UPF3B: variants seen among roughly 807,000 people sequenced by gnomAD.
The protein encoded by UPF3B is UPF3B regulator of nonsense mediated mRNA decay, also known as regulator of nonsense transcripts 3B.
Under a neutral mutation model 40.3 loss-of-function variants are expected in UPF3B, and 7 were observed. That is an observed-to-expected ratio of 0.17 (90% CI 0.10 to 0.33). The LOEUF is 0.33. UPF3B is among the 10% of genes least tolerant of loss of function. The probability of loss-of-function intolerance (pLI) is 1.00; values close to 1 mark genes in which losing one functional copy is unlikely to be tolerated. For synonymous variants in UPF3B, 117 were observed against 117.3 expected, an observed-to-expected ratio of 1.00 and a Z score of 0.01; for missense variants, 229 against 358.9, an observed-to-expected ratio of 0.64 and a Z score of 2.93.
chrX:119,843,706 A>G (rs1173023719), intron 4 of UPF3B, among the ~76,000 whole-genome samples: 1 of 112,510 alleles, frequency 8.9e-6, no homozygotes, highest in Non-Finnish European at 1.9e-5. Flanking sequence ...TAGACCTCTA[A>G]CATCAGAAAG....
chrX:119,849,627 G>A (rs189967983), intron 3 of UPF3B, among the ~76,000 whole-genome samples: 6 of 111,875 alleles, frequency 5.4e-5, no homozygotes, highest in African/African-American at 1.9e-4. Context: ...AAGACAGGCT[G>A]AAGAAACAGA....
At chrX:119,823,729 A>G (rs1190342718) in intron 3 of UPF3B, among the ~76,000 whole-genome samples, 1 of 108,783 alleles carries the variant, frequency 9.2e-6, no homozygotes, top group African/African-American at 3.4e-5. Flanking sequence ...ATGCCCGGCT[A>G]ATTTTTGTAT....
Position 119,843,351 on chromosome X carries a change from AAAG to A in UPF3B, c.470-53_470-51del, listed in dbSNP as rs201504590. 8,846 of 868,391 alleles carry A rather than the reference AAAG, an allele frequency of 0.01. 40 individuals are homozygous for A. Among genetic ancestry groups the A allele is most frequent in the Middle Eastern group, 0.041 (106 of 2,603 alleles). The allele number at this position is 868,391 out of a possible 1,213,427, so 71.6% of individuals were successfully genotyped here. On this transcript the variant is annotated intron_variant, in intron 4 of 10. Coordinates refer to ENST00000276201, the MANE Select transcript of UPF3B (RefSeq NM_080632.3). ...AAAATATAATAGACTTTAAACAAAA[AAAG>A]AAGACATTATCTACAATACTGATTT...
rs1286810467 is a variant in UPF3B, at chrX:119,807,458, TG to T, written c.*11+16del. 3.4e-6 allele frequency: 3 copies of T among 887,050 alleles called. No homozygotes were observed. The African/African-American group carries it at 6.2e-5, about 18-fold the overall frequency. The allele number at this position is 887,050 out of a possible 1,213,427, so 73.1% of individuals were successfully genotyped here. A position where few individuals can be genotyped will look rare whatever the true frequency, so the allele number is the denominator to read the frequency against. On this transcript the variant is annotated intron_variant, in intron 6 of 6. Coordinates refer to the UPF3B transcript ENST00000636792. Reference sequence around the variant, plus strand: ...ACACTCCCTTCCTCCTTCTTTTCTATGGTTAATATCACTTTCCTGCTTTCTT... The same window carrying T: ...ACACTCCCTTCCTCCTTCTTTTCTATGTTAATATCACTTTCCTGCTTTCTT...
chrX:119,837,731 TA>T lies in UPF3B; in HGVS notation c.1302+25del, dbSNP rs755556856. 3 of 1,203,586 alleles carry T rather than the reference TA, an allele frequency of 2.5e-6. No homozygotes were observed. The Admixed American group carries it at 6.6e-5, about 26-fold the overall frequency. On this transcript the variant is annotated intron_variant, in intron 10 of 10. Coordinates refer to ENST00000276201, the MANE Select transcript of UPF3B (RefSeq NM_080632.3). ...GCAGGAAAAGGGAAAAAAACCCTCA[TA>T]AACAAGTTTAATGACAAGCAGCACC... is the stretch of plus-strand genomic sequence containing the variant.
Position 119,813,523 on chromosome X carries a change from A to G in UPF3B, c.602+1677T>C, listed in dbSNP as rs547804330. 1.5e-3 allele frequency among the ~76,000 whole-genome samples: 161 copies of G among 110,301 alleles called. 1 individual carries two copies. Among genetic ancestry groups the G allele is most frequent in the Non-Finnish European group, 1.8e-3 (97 of 52,763 alleles). On this transcript the variant is annotated intron_variant, in intron 5 of 6. Coordinates refer to the UPF3B transcript ENST00000636792. ...GAGATTCCCGACTTGTACAGCCTGC[A>G]GAACTATAAGCCAATTAAACCTCTT...
At chrX:119,827,343 T>C (rs758065492) in intron 3 of UPF3B, among the ~76,000 whole-genome samples, 1 of 111,478 alleles carries the variant, frequency 9.0e-6, no homozygotes, top group South Asian at 3.7e-4. Context: ...TAAATAAATA[T>C]ATAAATAAAT....
chrX:119,807,958 T>C (rs890288292), intron 5 of UPF3B, among the ~76,000 whole-genome samples: 2 of 111,612 alleles, frequency 1.8e-5, no homozygotes, highest in Non-Finnish European at 3.8e-5. Flanking sequence ...CACACTGGGC[T>C]AAGTTTTTAA....
intron 4 of UPF3B, among the ~76,000 whole-genome samples, chrX:119,815,812 G>A (rs1251846136): frequency 4.5e-5 from 5 of 111,848 alleles, no homozygotes; most frequent in East Asian, 2.8e-4. Context: ...ACGAAGTTTC[G>A]CTCTGGTTGT....
chrX:119,847,853 G>C (rs1473291959), intron 3 of UPF3B, among the ~76,000 whole-genome samples: 2 of 111,202 alleles, frequency 1.8e-5, no homozygotes, highest in East Asian at 5.6e-4. Context: ...GTGAGAACAA[G>C]GACTCGAATA....
chrX:119,812,864 T>C, intron 5 of UPF3B, among the ~76,000 whole-genome samples: 1 of 111,067 alleles, frequency 9.0e-6, no homozygotes, highest in Non-Finnish European at 1.9e-5. Flanking sequence ...GGTCATCAGT[T>C]TCATTAGTTC....
chrX:119,834,878 T>A lies in UPF3B; in HGVS notation c.1452A>T (p.Ter484CysextTer1). Residue 484 changes from the stop codon to cysteine (C), a stop_lost, in exon 11 of 11, where the codon TGA becomes TGT. Coordinates refer to ENST00000276201, the MANE Select transcript of UPF3B (RefSeq NM_080632.3). ...GGACACCTAAGGCCATCTGGACTTA[T>A]CACTCCTCTCCTCCTTCTTTTCTAT... The part of the protein sequence containing the change: ...ISHRKEGGEE[*>C] 4 of 1,211,252 alleles carry A rather than the reference T, an allele frequency of 3.3e-6. No homozygotes were observed. Among genetic ancestry groups the A allele is most frequent in the Non-Finnish European group, 4.5e-6 (4 of 895,557 alleles).
At chrX:119,849,744 C>T (rs1382589156) in intron 3 of UPF3B, among the ~76,000 whole-genome samples, 1 of 109,217 alleles carries the variant, frequency 9.2e-6, no homozygotes, top group Non-Finnish European at 1.9e-5. Flanking sequence ...AATTTCATGG[C>T]AATATAATAG....
At chrX:119,830,155 A>C (rs1256563861), downstream of UPF3B, among the ~76,000 whole-genome samples, 1 of 111,874 alleles carries the variant, frequency 8.9e-6, no homozygotes, top group Middle Eastern at 4.2e-3. Context: ...AAGGGCTGGC[A>C]GAATGAATGA....
intron 3 of UPF3B, among the ~76,000 whole-genome samples, chrX:119,845,742 A>G (rs1392116832): frequency 4.5e-5 from 5 of 110,681 alleles, no homozygotes; most frequent in Non-Finnish European, 9.5e-5. Flanking sequence ...CATGTTCTAA[A>G]TTTAGATTGT....
At chrX:119,847,868 C>T (rs1384903714) in intron 3 of UPF3B, among the ~76,000 whole-genome samples, 1 of 111,568 alleles carries the variant, frequency 9.0e-6, no homozygotes, top group African/African-American at 3.3e-5. Context: ...CGAATATGTG[C>T]ACATCTGTGT....
At position 119,822,132 on chromosome X, in the gene UPF3B, A is replaced by C. The variant is rs1363393263; in HGVS notation, c.494+810T>G. Among the ~76,000 whole-genome samples, 6 of 112,783 alleles carry C rather than the reference A, an allele frequency of 5.3e-5. No homozygotes were observed. The East Asian group carries it at 1.7e-3, about 31-fold the overall frequency. ...AGCTTATGTAAGCAAATAAAAAAAC[A>C]AAAGTAACCCTAAAATGTTAGGACA... On this transcript the variant is annotated intron_variant, in intron 4 of 6. Coordinates refer to the UPF3B transcript ENST00000636792.
intron 10 of UPF3B, among the ~76,000 whole-genome samples, chrX:119,837,051 C>A (rs1392513472): frequency 9.6e-6 from 1 of 104,112 alleles, no homozygotes; most frequent in African/African-American, 3.5e-5. Flanking sequence ...TCAAGTGATT[C>A]TTCTGCCTCA....
At chrX:119,810,555 G>A (rs2055820872) in intron 5 of UPF3B, among the ~76,000 whole-genome samples, 1 of 112,046 alleles carries the variant, frequency 8.9e-6, no homozygotes, top group African/African-American at 3.2e-5. Context: ...TTGACTTTCT[G>A]GAGGGCCAAA....
Sources: gnomAD v4.1 joint callset for allele counts (sites outside exome capture counted in the v4.1 genomes callset) on GRCh38, gnomAD v4.1.1 for gene constraint, MANE v1.5 for transcripts, NCBI Gene and HGNC (gene_info 2026-07-23, HGNC 2026-07-21) for gene names.